PROX1: variants seen among roughly 807,000 people sequenced by gnomAD.
The protein encoded by PROX1 is prospero homeobox 1.
A neutral mutation model predicts 58.8 loss-of-function variants in PROX1; 7 were observed. The observed-to-expected ratio is 0.12, with a 90% CI of 0.07 to 0.22. PROX1 has a LOEUF of 0.22. Among genes scored for constraint, PROX1 ranks in the 10% least tolerant of loss-of-function variants. PROX1 has a pLI of 1.00. For synonymous variants in PROX1, 350 were observed against 358.3 expected, an observed-to-expected ratio of 0.98 and a Z score of 0.26; for missense variants, 675 against 927.8, an observed-to-expected ratio of 0.73 and a Z score of 3.54.
chr1:214,021,451 A>T (rs541713774), intron 4 of PROX1, among the ~76,000 whole-genome samples: 1 of 152,292 alleles, frequency 6.6e-6, no homozygotes, highest in African/African-American at 2.4e-5. Flanking sequence ...ACTCCCTCTT[A>T]ATCTTCATCT....
rs1664812324 is a variant in PROX1 at position 214,035,881 on chromosome 1, T to G, written c.*47T>G. On this transcript the variant is annotated 3_prime_UTR_variant, in exon 5 of 5. Coordinates refer to ENST00000366958, the MANE Select transcript of PROX1 (RefSeq NM_001270616.2). The stretch of plus-strand genomic sequence containing the variant: ...AATGTATGAAGAGTAGCAGTCCCCT[T>G]TGGATGTCCAAGTTATATGTGTCTA... 2.0e-6 allele frequency: 3 copies of G among 1,523,854 alleles called. No individual in the cohort carries two copies. The highest frequency in any genetic ancestry group is 2.7e-6 in the Non-Finnish European group (3 of 1,122,312). 94.4% of individuals were successfully genotyped at this position (1,523,854 alleles called of 1,614,324 possible).
At chr1:213,995,439 A>G (rs1663224585) in intron 1 of PROX1, among the ~76,000 whole-genome samples, 1 of 150,616 alleles carries the variant, frequency 6.6e-6, no homozygotes, top group East Asian at 1.9e-4. Flanking sequence ...TTTCTTCTTT[A>G]TATATCTTCT....
chr1:214,008,309 C>T (rs910800497), intron 3 of PROX1, among the ~76,000 whole-genome samples: 8 of 152,126 alleles, frequency 5.3e-5, no homozygotes, highest in Non-Finnish European at 1.0e-4. Flanking sequence ...CCTGCCTTGG[C>T]GTCCCAAAGT....
chr1:213,998,281 C>A, intron 2 of PROX1, 21 bp downstream of exon 2: 1 of 1,512,342 alleles, frequency 6.6e-7, no homozygotes, highest in Non-Finnish European at 8.9e-7. Context: ...ATTTTCCCCT[C>A]GAGGAAAAAA....
intron 4 of PROX1, among the ~76,000 whole-genome samples, chr1:214,025,651 A>T (rs1386799712): frequency 1.4e-5 from 2 of 147,812 alleles, no homozygotes; most frequent in African/African-American, 5.0e-5. Context: ...AAGTTCCAAA[A>T]TTCTGTGATT....
At chr1:213,985,826 T>A (rs1662810696), upstream of PROX1, 1 of 152,302 alleles carries the variant, frequency 6.6e-6, no homozygotes, top group African/African-American at 2.4e-5. Flanking sequence ...ACTCCTTTCT[T>A]CCCCCTACTC....
chr1:214,005,111 G>A lies in PROX1; in HGVS notation c.1726-54G>A. 2.8e-6 allele frequency: 4 copies of A among 1,408,136 alleles called. No homozygotes were observed. In the South Asian group the frequency reaches 3.5e-5, roughly 12 times the overall value. 87.2% of individuals were successfully genotyped at this position (1,408,136 alleles called of 1,614,324 possible). A position where few individuals can be genotyped will look rare whatever the true frequency, so the allele number is the denominator to read the frequency against. Reference sequence around the variant, plus strand: ...TGGAGGTGGGGACTGGAGGGAGGGAGGTGGGAGTCCTTGTGCTTACAGAAT... The same window carrying A: ...TGGAGGTGGGGACTGGAGGGAGGGAAGTGGGAGTCCTTGTGCTTACAGAAT... On this transcript the variant is annotated intron_variant, in intron 2 of 4. Coordinates refer to ENST00000366958, the MANE Select transcript of PROX1 (RefSeq NM_001270616.2).
chr1:213,990,369 G>A (rs1201275986), intron 1 of PROX1, among the ~76,000 whole-genome samples: 2 of 139,200 alleles, frequency 1.4e-5, no homozygotes, highest in East Asian at 4.2e-4. Flanking sequence ...CTGGTTAATA[G>A]GATTGTCTGG....
chr1:213,986,377 T>C (rs1401852865), upstream of PROX1: 3 of 152,208 alleles, frequency 2.0e-5, no homozygotes, highest in African/African-American at 7.2e-5. Context: ...TGTTTGAAAT[T>C]CGTGCCAAAA....
intron 4 of PROX1, among the ~76,000 whole-genome samples, chr1:214,035,103 T>G (rs1164781735): frequency 6.6e-6 from 1 of 152,220 alleles, no homozygotes. Flanking sequence ...ATACTTTATA[T>G]TGCAGATTAA....
chr1:213,997,890 C>A lies in PROX1; in HGVS notation c.1355C>A (p.Ala452Asp). Residue 452 changes from alanine (A) to aspartate (D), a missense_variant, in exon 2 of 5, where the codon GCC becomes GAC. Transcript: ENST00000366958. The surrounding 1 kb of genome is among the most constrained non-coding windows in gnomAD (Gnocchi z 7.1). ...VVRKNSSDQSASGPAAGGHHQ... is the reference protein window; with the variant it reads ...VVRKNSSDQSDSGPAAGGHHQ... The stretch of plus-strand genomic sequence containing the variant: ...CGCAAAAACTCCTCTGACCAGTCTG[C>A]CTCCGGCCCTGCCGCTGGCGGCCAC... 1 of 1,612,270 alleles carries A rather than the reference C, an allele frequency of 6.2e-7. No homozygotes were observed. The highest frequency in any genetic ancestry group is 8.5e-7 in the Non-Finnish European group (1 of 1,179,004).
chr1:213,985,234 T>C (rs1662795574), upstream of PROX1: 1 of 152,186 alleles, frequency 6.6e-6, no homozygotes, highest in Non-Finnish European at 1.5e-5. Flanking sequence ...TCTAGGCGAC[T>C]CCTTGTCTCC....
intron 3 of PROX1, among the ~76,000 whole-genome samples, chr1:214,006,623 T>C (rs1013718787): frequency 6.6e-6 from 1 of 152,114 alleles, no homozygotes; most frequent in African/African-American, 2.4e-5. Context: ...AATACACAAA[T>C]TGAAGGCAAT....
At chr1:213,986,199 T>C (rs1243023680), upstream of PROX1, 1 of 151,164 alleles carries the variant, frequency 6.6e-6, no homozygotes, top group Non-Finnish European at 1.5e-5. Flanking sequence ...TAGTTGGAGG[T>C]GTGAGTGGTG....
chr1:214,022,673 C>T (rs1277290700), intron 4 of PROX1, among the ~76,000 whole-genome samples: 1 of 152,180 alleles, frequency 6.6e-6, no homozygotes, highest in African/African-American at 2.4e-5. Context: ...GGGTCTGGCT[C>T]TGGCCATACC....
intron 4 of PROX1, among the ~76,000 whole-genome samples, chr1:214,015,256 G>T (rs1352220996): frequency 6.6e-6 from 1 of 152,186 alleles, no homozygotes; most frequent in Non-Finnish European, 1.5e-5. Context: ...TCTTGCTTCT[G>T]TGCGTGAGTG....
chr1:213,985,294 G>C (rs1203874081), upstream of PROX1: 1 of 152,196 alleles, frequency 6.6e-6, no homozygotes, highest in East Asian at 1.9e-4. Context: ...GAGATAGGGG[G>C]CTCGGGCCTC....
At chr1:214,005,090 G>T in intron 2 of PROX1, 75 bp from the exon 3 acceptor site, 1 of 1,144,034 alleles carries the variant, frequency 8.7e-7, no homozygotes, top group Non-Finnish European at 1.3e-6. Context: ...ACTCTATGGA[G>T]GTGGGGACTG....
chr1:214,002,277 C>G (rs1663544025), intron 2 of PROX1, among the ~76,000 whole-genome samples: 1 of 152,160 alleles, frequency 6.6e-6, no homozygotes, highest in Non-Finnish European at 1.5e-5. Flanking sequence ...ACAGACAACA[C>G]TTAGGTTCTC....
Sources: allele counts gnomAD v4.1 joint callset (sites outside exome capture counted in the v4.1 genomes callset), GRCh38; gene constraint gnomAD v4.1.1; non-coding constraint Gnocchi (gnomAD v3.1); transcripts MANE v1.5; gene names NCBI Gene and HGNC (gene_info 2026-07-23, HGNC 2026-07-21).